The following MSRB3 variants were observed in gnomAD, a reference collection of about 807,000 sequenced individuals.
MSRB3 encodes methionine-R-sulfoxide reductase B3.
MSRB3 carries 13 observed loss-of-function variants against 21.0 expected under a neutral mutation model. The ratio of observed to expected loss-of-function variants is 0.62; its 90% CI spans 0.40 to 0.98. MSRB3 has a LOEUF of 0.98. MSRB3 is among the 50% of genes least tolerant of loss of function. The probability of loss-of-function intolerance (pLI) is 0.00; values close to 1 mark genes in which losing one functional copy is unlikely to be tolerated. For missense variants in MSRB3, 199 were observed against 230.3 expected (o/e 0.86, Z 0.88); for synonymous variants, 87 against 88.6 (o/e 0.98, Z 0.10).
intron 4 of MSRB3, among the ~76,000 whole-genome samples, chr12:65,341,287 T>G (rs1361670096): frequency 6.6e-6 from 1 of 151,982 alleles, no homozygotes; most frequent in Non-Finnish European, 1.5e-5. Context: ...TTATGTGAAG[T>G]AAAATAAGCC....
chr12:65,322,476 G>A (rs1042127060), intron 2 of MSRB3, among the ~76,000 whole-genome samples: 4 of 151,676 alleles, frequency 2.6e-5, no homozygotes, highest in East Asian at 3.9e-4. Flanking sequence ...CCATCATGTC[G>A]AAACCCCATC....
chr12:65,451,877 C>A (rs1363271272), intron 5 of MSRB3, among the ~76,000 whole-genome samples: 1 of 152,080 alleles, frequency 6.6e-6, no homozygotes, highest in African/African-American at 2.4e-5. Flanking sequence ...TGAGTTGTGC[C>A]TTTGTACTGG....
At chr12:65,353,047 C>G (rs1480102575) in intron 4 of MSRB3, among the ~76,000 whole-genome samples, 1 of 151,990 alleles carries the variant, frequency 6.6e-6, no homozygotes, top group African/African-American at 2.4e-5. Context: ...TAGTGATTTT[C>G]TTAATCCTGA....
intron 5 of MSRB3, among the ~76,000 whole-genome samples, chr12:65,407,734 G>A (rs1880493430): frequency 6.6e-6 from 1 of 151,944 alleles, no homozygotes; most frequent in African/African-American, 2.4e-5. Flanking sequence ...ATTCTGTTCT[G>A]TCTTTTTCAC....
intron 5 of MSRB3, among the ~76,000 whole-genome samples, chr12:65,445,588 T>C (rs1184911150): frequency 1.3e-5 from 2 of 151,806 alleles, no homozygotes; most frequent in Non-Finnish European, 2.9e-5. Context: ...TTAGAGTCTA[T>C]AGGTTTATGC....
chr12:65,308,060 GT>G (rs1873761630), intron 1 of MSRB3, among the ~76,000 whole-genome samples: 1 of 152,142 alleles, frequency 6.6e-6, no homozygotes, highest in Admixed American at 6.5e-5. Flanking sequence ...GTATAGCAGG[GT>G]TTTTTAGTCC....
chr12:65,335,618 G>T (rs1875714765), intron 4 of MSRB3, among the ~76,000 whole-genome samples: 1 of 152,136 alleles, frequency 6.6e-6, no homozygotes, highest in South Asian at 2.1e-4. Flanking sequence ...TTTTGTGTGT[G>T]TGTGTGGCGG....
intron 5 of MSRB3, chr12:65,419,622 G>A (rs1013605040): frequency 7.0e-6 from 5 of 710,200 alleles, no homozygotes; most frequent in South Asian, 2.9e-5. Flanking sequence ...TCAGGTCCTC[G>A]ATGGTCTTGA....
At chr12:65,452,916 T>A (rs1882920405) in intron 5 of MSRB3, among the ~76,000 whole-genome samples, 1 of 152,170 alleles carries the variant, frequency 6.6e-6, no homozygotes, top group Non-Finnish European at 1.5e-5. Context: ...ACTCCAGACA[T>A]ATTTTGGGGA....
chr12:65,321,122 C>G (rs1196551210), intron 2 of MSRB3, among the ~76,000 whole-genome samples: 1 of 152,102 alleles, frequency 6.6e-6, no homozygotes, highest in Non-Finnish European at 1.5e-5. Context: ...TTTTTCCTTC[C>G]TGAATACTTA....
chr12:65,376,668 A>G (rs1278720633), intron 5 of MSRB3, among the ~76,000 whole-genome samples: 5 of 149,308 alleles, frequency 3.3e-5, no homozygotes, highest in East Asian at 2.0e-4. Context: ...CATCACACAC[A>G]GGGGCCCGTC....
intron 1 of MSRB3, among the ~76,000 whole-genome samples, chr12:65,288,305 C>G (rs1291414074): frequency 6.3e-5 from 9 of 142,390 alleles, no homozygotes; most frequent in African/African-American, 1.9e-4. Flanking sequence ...CCGTCCCCCC[C>G]GCAAAAAAAA....
intron 5 of MSRB3, among the ~76,000 whole-genome samples, chr12:65,396,043 T>G (rs1181654211): frequency 6.6e-6 from 1 of 152,204 alleles, no homozygotes; most frequent in Non-Finnish European, 1.5e-5. Context: ...TTTTGCTTAC[T>G]GTAGATTGTT....
intron 1 of MSRB3, among the ~76,000 whole-genome samples, chr12:65,280,646 T>C (rs922847330): frequency 4.6e-5 from 7 of 152,144 alleles, no homozygotes; most frequent in African/African-American, 1.7e-4. Context: ...TATGAATATC[T>C]GGAAATTTTT....
intron 6 of MSRB3, among the ~76,000 whole-genome samples, chr12:65,462,057 G>C (rs904484427): frequency 6.6e-6 from 1 of 152,148 alleles, no homozygotes; most frequent in Non-Finnish European, 1.5e-5. Context: ...TGAGGCCAGG[G>C]ATTGTTGCCT....
At chr12:65,366,946 T>C (rs1297483954) in intron 4 of MSRB3, among the ~76,000 whole-genome samples, 1 of 152,034 alleles carries the variant, frequency 6.6e-6, no homozygotes, top group Non-Finnish European at 1.5e-5. Context: ...TGAACTCTGG[T>C]GCTCACCAAT....
At chr12:65,388,379 C>T (rs1001722886) in intron 5 of MSRB3, among the ~76,000 whole-genome samples, 10 of 152,168 alleles carry the variant, frequency 6.6e-5, no homozygotes, top group African/African-American at 1.9e-4. Flanking sequence ...GAACAGGATC[C>T]GGAGTTCAGC....
In MSRB3 at chr12:65,454,093, G is replaced by C. The variant is rs559212656; in HGVS notation, c.390+268G>C. ...GAGGCCAGAAGTTCAAGACGAGTCC[G>C]GGCAACCTAGTGAGACCTCGTCTCT... is the stretch of plus-strand genomic sequence containing the variant. On this transcript the variant is annotated intron_variant, in intron 6 of 6. Transcript: ENST00000308259. 5 of 617,226 alleles carry C rather than the reference G, an allele frequency of 8.1e-6. No individual in the cohort carries two copies. In the East Asian group the frequency reaches 1.4e-4, roughly 17 times the overall value. 38.2% of individuals were successfully genotyped at this position (617,226 alleles called of 1,614,324 possible). A position where few individuals can be genotyped will look rare whatever the true frequency, so the allele number is the denominator to read the frequency against.
chr12:65,322,394 C>T (rs576454180), intron 2 of MSRB3, among the ~76,000 whole-genome samples: 1 of 152,052 alleles, frequency 6.6e-6, no homozygotes, highest in South Asian at 2.1e-4. Flanking sequence ...TGTGGTGGCT[C>T]ACACCTGTAA....
Sources: gnomAD v4.1 joint callset for allele counts (sites outside exome capture counted in the v4.1 genomes callset) on GRCh38, gnomAD v4.1.1 for gene constraint, MANE v1.5 for transcripts, NCBI Gene and HGNC (gene_info 2026-07-23, HGNC 2026-07-21) for gene names.